Variants in AJAP1 observed in about 807,000 individuals in gnomAD.
The protein encoded by AJAP1 is adherens junctions associated protein 1.
AJAP1 carries 5 observed loss-of-function variants against 35.0 expected under a neutral mutation model. That is an observed-to-expected ratio of 0.14 (90% CI 0.07 to 0.30). The LOEUF is 0.30. Among genes scored for constraint, AJAP1 ranks in the 10% least tolerant of loss-of-function variants. The pLI is 1.00. For synonymous variants in AJAP1, 284 were observed against 249.3 expected (o/e 1.14, Z -1.31); for missense variants, 586 against 571.0 (o/e 1.03, Z -0.27).
chr1:4,695,349 T>C (rs2100233895), intron 1 of AJAP1, among the ~76,000 whole-genome samples: 1 of 152,258 alleles, frequency 6.6e-6, no homozygotes, highest in East Asian at 1.9e-4. Flanking sequence ...GTCAAAGGTT[T>C]TGCGGGGCCC....
intron 5 of AJAP1, among the ~76,000 whole-genome samples, chr1:4,775,692 G>A (rs772840395): frequency 3.9e-5 from 6 of 152,062 alleles, no homozygotes; most frequent in South Asian, 2.1e-4. Context: ...TCCCTACCCC[G>A]AAGCCAACAT....
chr1:4,750,231 C>T (rs1027149146), intron 2 of AJAP1, among the ~76,000 whole-genome samples: 6 of 152,116 alleles, frequency 3.9e-5, no homozygotes, highest in African/African-American at 1.4e-4. Context: ...TGTGTGTGTT[C>T]ATGCATTTGT....
In AJAP1 at chr1:4,772,103, A is replaced by G. The variant is rs1219900060; in HGVS notation, c.918-177A>G. ...ATTTCATTTTTTTTTTTTAAAAAAA[A>G]AGAGTTGATTGCTTGATTGTGGTTG... On this transcript the variant is annotated intron_variant, in intron 3 of 5. Transcript: ENST00000378191. Among the ~76,000 whole-genome samples the G allele has an allele frequency of 2.6e-5, 4 of 151,492 alleles. No individual in the cohort carries two copies. The East Asian group carries it at 7.8e-4, about 29-fold the overall frequency.
intron 2 of AJAP1, among the ~76,000 whole-genome samples, chr1:4,757,634 A>C (rs1641464287): frequency 6.6e-6 from 1 of 152,156 alleles, no homozygotes; most frequent in African/African-American, 2.4e-5. Context: ...CTGTTGTAGA[A>C]GCTCTTGTCA....
chr1:4,763,401 G>T (rs1310703172), intron 2 of AJAP1, among the ~76,000 whole-genome samples: 3 of 152,222 alleles, frequency 2.0e-5, no homozygotes, highest in African/African-American at 7.2e-5. Flanking sequence ...AAGCCGGAAG[G>T]ACTTCCGACG....
chr1:4,721,932 G>T (rs981109645), intron 2 of AJAP1, among the ~76,000 whole-genome samples: 3 of 152,274 alleles, frequency 2.0e-5, no homozygotes, highest in Admixed American at 1.3e-4. Context: ...ACATTTAAGC[G>T]CCCCAGCCCA....
At chr1:4,767,403 TACC>T (rs894369388) in intron 2 of AJAP1, among the ~76,000 whole-genome samples, 33 of 148,946 alleles carry the variant, frequency 2.2e-4, no homozygotes, top group Non-Finnish European at 3.3e-4. Context: ...TCATCATCGT[TACC>T]ACCACCAACA....
At chr1:4,731,349 A>C (rs1640791916) in intron 2 of AJAP1, among the ~76,000 whole-genome samples, 1 of 152,148 alleles carries the variant, frequency 6.6e-6, no homozygotes, top group Admixed American at 6.5e-5. Context: ...CCAAAGTGCT[A>C]GGATTACAGG....
chr1:4,766,999 C>T (rs1641699465), intron 2 of AJAP1, among the ~76,000 whole-genome samples: 1 of 152,084 alleles, frequency 6.6e-6, no homozygotes, highest in African/African-American at 2.4e-5. Flanking sequence ...ACTGCCCAGA[C>T]CCTCTTAGCT....
In AJAP1 at chr1:4,694,216, C is replaced by CG. The variant is rs201050492; in HGVS notation, c.30-17676dup. On this transcript the variant is annotated intron_variant, in intron 1 of 5. Coordinates refer to ENST00000378191, the MANE Select transcript of AJAP1 (RefSeq NM_018836.4). Reference sequence around the variant, plus strand: ...CACTTCATGCCCTCAGCTCCTTTGCCGGGGGGGGATGGCCCCTAAACGATC... The same window carrying CG: ...CACTTCATGCCCTCAGCTCCTTTGCCGGGGGGGGGATGGCCCCTAAACGATC... Among the ~76,000 whole-genome samples the CG allele has an allele frequency of 5.1e-3, 782 of 151,870 alleles. 3 individuals are homozygous for CG. The highest frequency in any genetic ancestry group is 0.017 in the African/African-American group (706 of 41,450).
At chr1:4,665,664 C>T (rs998135136) in intron 1 of AJAP1, among the ~76,000 whole-genome samples, 10 of 152,134 alleles carry the variant, frequency 6.6e-5, no homozygotes, top group East Asian at 3.9e-4. Context: ...AGCCAGGCAG[C>T]GTGACAGGTA....
chr1:4,750,140 A>T (rs1332175346), intron 2 of AJAP1, among the ~76,000 whole-genome samples: 6 of 151,628 alleles, frequency 4.0e-5, no homozygotes, highest in African/African-American at 1.5e-4. Flanking sequence ...GTCTGGGGAC[A>T]TGTGTGTGCA....
chr1:4,760,805 T>C (rs145381084), intron 2 of AJAP1, among the ~76,000 whole-genome samples: 2,111 of 152,342 alleles, frequency 0.014, 46 homozygotes, highest in African/African-American at 0.048. Flanking sequence ...GGCCACACCA[T>C]GGAGGGGGCC....
Position 4,782,306 on chromosome 1 carries a change from G to T in AJAP1, c.*60-239G>T, listed in dbSNP as rs928805998. Among the ~76,000 whole-genome samples, 4 of 152,096 alleles carry T rather than the reference G, an allele frequency of 2.6e-5. No individual in the cohort carries two copies. The highest frequency in any genetic ancestry group is 6.5e-5 in the Admixed American group (1 of 15,270). On this transcript the variant is annotated intron_variant, in intron 5 of 5. Coordinates refer to ENST00000378191, the MANE Select transcript of AJAP1 (RefSeq NM_018836.4). The surrounding 1 kb of genome is among the most constrained non-coding windows in gnomAD (Gnocchi z 5.3). Reference sequence around the variant, plus strand: ...ATGACCAGAATTCCACAAGGTTCAGGCTCCCACTTCATACCCTTGGGATTC... The same window carrying T: ...ATGACCAGAATTCCACAAGGTTCAGTCTCCCACTTCATACCCTTGGGATTC...
intron 2 of AJAP1, among the ~76,000 whole-genome samples, chr1:4,733,300 C>G (rs1338820087): frequency 1.3e-5 from 2 of 151,908 alleles, no homozygotes; most frequent in Non-Finnish European, 2.9e-5. Context: ...TGTGCTTCCC[C>G]AAGGCTGGAT....
rs111534930 is a variant in AJAP1 at position 4,701,354 on chromosome 1, C to T, written c.30-10546C>T. Among the ~76,000 whole-genome samples the T allele has an allele frequency of 1.1e-4, 16 of 152,370 alleles. 1 individual carries two copies. The highest frequency in any genetic ancestry group is 3.4e-4 in the African/African-American group (14 of 41,596). ...TGGTTACACGGGTTAGTTTTGCTTA[C>T]GCAGCTGGCGGGTTGCAGTGCCAAG... On this transcript the variant is annotated intron_variant, in intron 1 of 5. Transcript: ENST00000378191.
At chr1:4,763,633 G>C (rs1305173677) in intron 2 of AJAP1, among the ~76,000 whole-genome samples, 2 of 152,180 alleles carry the variant, frequency 1.3e-5, no homozygotes, top group Admixed American at 6.5e-5. Flanking sequence ...TCAGCCATGT[G>C]GGTGGGCAGT....
rs565432080 is a variant in AJAP1 at position 4,720,157 on chromosome 1, C to T, written c.829+7458C>T. ...CCCAGGTGGTCACTGACACTCAGTC[C>T]CGGAGACTCAGCCAAATTCAGAGGC... On this transcript the variant is annotated intron_variant, in intron 2 of 5. Transcript: ENST00000378191. The surrounding 1 kb of genome is among the most constrained non-coding windows in gnomAD (Gnocchi z 4.4). Among the ~76,000 whole-genome samples the T allele has an allele frequency of 6.6e-6, 1 of 152,238 alleles. No homozygotes were observed. Among genetic ancestry groups the T allele is most frequent in the Non-Finnish European group, 1.5e-5 (1 of 68,024 alleles).
intron 2 of AJAP1, among the ~76,000 whole-genome samples, chr1:4,715,407 C>T (rs970375159): frequency 1.3e-5 from 2 of 152,208 alleles, no homozygotes; most frequent in Admixed American, 6.5e-5. Flanking sequence ...AGAAATAGGC[C>T]GTGTGCAGTG....
Sources: allele counts gnomAD v4.1 joint callset (sites outside exome capture counted in the v4.1 genomes callset), GRCh38; gene constraint gnomAD v4.1.1; non-coding constraint Gnocchi (gnomAD v3.1); transcripts MANE v1.5; gene names NCBI Gene and HGNC (gene_info 2026-07-23, HGNC 2026-07-21).